Variants in FARP1 observed in about 807,000 individuals in gnomAD.
FARP1 encodes FERM, ARHGEF and pleckstrin domain-containing protein 1.
A neutral mutation model predicts 128.8 loss-of-function variants in FARP1; 52 were observed. The observed-to-expected ratio is 0.40, with a 90% CI of 0.32 to 0.51. The LOEUF (loss-of-function observed/expected upper bound fraction) is 0.51. Among genes scored for constraint, FARP1 ranks in the 20% least tolerant of loss-of-function variants. The pLI, the probability that FARP1 is intolerant of heterozygous loss-of-function variation, is 0.45. For synonymous variants in FARP1, 580 were observed against 551.8 expected (o/e 1.05, Z -0.72); for missense variants, 1,333 against 1,367.9 (o/e 0.97, Z 0.40).
At chr13:98,252,836 T>C (rs182107431) in intron 2 of FARP1, among the ~76,000 whole-genome samples, 32 of 152,336 alleles carry the variant, frequency 2.1e-4, no homozygotes, top group Middle Eastern at 3.4e-3. Context: ...TGAGCCCCGG[T>C]GATCATGTAT....
At chr13:98,208,962 G>A (rs180843702) in intron 1 of FARP1, among the ~76,000 whole-genome samples, 4 of 152,254 alleles carry the variant, frequency 2.6e-5, no homozygotes, top group Non-Finnish European at 5.9e-5. Context: ...TTTGGAAACC[G>A]GATGGTTTTC....
rs760933598 is a variant in FARP1 at position 98,388,465 on chromosome 13, G to A, written c.842G>A (p.Arg281Gln). 2.4e-5 allele frequency: 38 copies of A among 1,613,414 alleles called. No individual in the cohort carries two copies. Among genetic ancestry groups the A allele is most frequent in the East Asian group, 6.7e-5 (3 of 44,890 alleles). ...FKRKRFLIKLRPDANSAYQDT... is the reference protein window; with the variant it reads ...FKRKRFLIKLQPDANSAYQDT... ...AGGAAGCGCTTTCTCATCAAGCTCC[G>A]GCCAGATGCCAATGTAAGTGGTCCT... The change falls in exon 9 of 27, where the codon CGG becomes CAG. Residue 281 changes from arginine to glutamine, a missense_variant. Around this residue, in one of 2 missense-constraint regions of FARP1, gnomAD observed 324 missense variants for 398.1 expected, o/e 0.81. Coordinates refer to ENST00000319562, the MANE Select transcript of FARP1 (RefSeq NM_005766.4).
chr13:98,221,157 A>G (rs745686429), intron 2 of FARP1, among the ~76,000 whole-genome samples: 77 of 152,146 alleles, frequency 5.1e-4, no homozygotes, highest in Non-Finnish European at 1.0e-3. Flanking sequence ...GTGAGGCTCT[A>G]ATGAGATCTT....
At chr13:98,242,643 T>TA (rs1566785638) in intron 2 of FARP1, among the ~76,000 whole-genome samples, 1 of 152,092 alleles carries the variant, frequency 6.6e-6, no homozygotes, top group African/African-American at 2.4e-5. Context: ...TACCACTGCA[T>TA]TCCGGCCTGG....
chr13:98,172,977 C>G (rs567509079), intron 1 of FARP1, among the ~76,000 whole-genome samples: 1 of 152,292 alleles, frequency 6.6e-6, no homozygotes, highest in South Asian at 2.1e-4. Context: ...GGTATAATCA[C>G]ATTTTGAAAA....
intron 8 of FARP1, among the ~76,000 whole-genome samples, chr13:98,387,942 C>T (rs1463612044): frequency 2.6e-5 from 4 of 152,188 alleles, no homozygotes; most frequent in South Asian, 2.1e-4. Flanking sequence ...AATAAATCCA[C>T]GTTGCAGTTT....
intron 25 of FARP1, chr13:98,446,452 G>A (rs533597236): frequency 1.8e-5 from 11 of 608,308 alleles, no homozygotes; most frequent in Admixed American, 5.9e-5. Flanking sequence ...GACAAGGGAC[G>A]GGGGTTGGCT....
chr13:98,360,747 G>A (rs1344182780), intron 3 of FARP1, among the ~76,000 whole-genome samples: 6 of 152,184 alleles, frequency 3.9e-5, no homozygotes, highest in African/African-American at 1.2e-4. Context: ...TCCTACTGAT[G>A]GGCAATGAGA....
At chr13:98,394,688 C>T (rs1335435836) in intron 12 of FARP1, among the ~76,000 whole-genome samples, 2 of 152,134 alleles carry the variant, frequency 1.3e-5, no homozygotes, top group Non-Finnish European at 2.9e-5. Context: ...TGGTCCTAGC[C>T]ACTTGGGAGG....
chr13:98,197,652 T>C (rs79055241), intron 1 of FARP1, among the ~76,000 whole-genome samples: 2 of 151,526 alleles, frequency 1.3e-5, no homozygotes, highest in African/African-American at 4.8e-5. Context: ...TTTTTTTTTT[T>C]GAGATGGAGT....
chr13:98,226,067 C>G lies in FARP1; in HGVS notation c.171+12654C>G, dbSNP rs140647297. Among the ~76,000 whole-genome samples the G allele has an allele frequency of 3.3e-5, 5 of 152,274 alleles. No homozygotes were observed. The East Asian group carries it at 7.7e-4, about 24-fold the overall frequency. ...TTGACATTTGTTGAATTATGGAGTA[C>G]GAGTTCGCTAGCACTGCTATAACAA... is the stretch of plus-strand genomic sequence containing the variant. On this transcript the variant is annotated intron_variant, in intron 2 of 26. Transcript: ENST00000319562.
At position 98,243,739 on chromosome 13, in the gene FARP1, C is replaced by T. The variant is rs1345993429; in HGVS notation, c.171+30326C>T. 2.6e-5 allele frequency among the ~76,000 whole-genome samples: 4 copies of T among 151,368 alleles called. No individual in the cohort carries two copies. The East Asian group carries it at 7.8e-4, about 29-fold the overall frequency. On this transcript the variant is annotated intron_variant, in intron 2 of 26. Transcript: ENST00000319562. The stretch of plus-strand genomic sequence containing the variant: ...AAAAATCTGTATAACTTGCATTGCC[C>T]TTTCAGGTAATTAATCACCCTTTTT...
intron 1 of FARP1, 27 bp downstream of exon 1, chr13:98,143,519 C>G (rs1875233600): frequency 6.7e-6 from 1 of 150,160 alleles, no homozygotes; most frequent in South Asian, 2.0e-4. Flanking sequence ...GAACAATGAC[C>G]GCGGCGGGAG....
intron 1 of FARP1, among the ~76,000 whole-genome samples, chr13:98,200,397 C>CT (rs1555327098): frequency 2.1e-5 from 3 of 143,392 alleles, no homozygotes; most frequent in African/African-American, 7.8e-5. Context: ...ACCCCCCCCC[C>CT]CTCCCCTTTG....
intron 13 of FARP1, 35 bp from the exon 14 acceptor site, chr13:98,409,303 T>TC: frequency 7.3e-7 from 1 of 1,367,930 alleles, no homozygotes; most frequent in Non-Finnish European, 9.5e-7. Flanking sequence ...AAAAAATTAC[T>TC]TTTTTTTTCT....
chr13:98,412,530 C>T (rs1413681561), intron 16 of FARP1, among the ~76,000 whole-genome samples: 4 of 152,216 alleles, frequency 2.6e-5, no homozygotes, highest in African/African-American at 9.6e-5. Context: ...CTTGAATTAT[C>T]ATAAGGATCT....
chr13:98,181,348 A>G (rs187882911), intron 1 of FARP1, among the ~76,000 whole-genome samples: 1 of 152,300 alleles, frequency 6.6e-6, no homozygotes, highest in African/African-American at 2.4e-5. Context: ...TATCCCCTGC[A>G]AAGTGGGGTA....
chr13:98,295,087 ACACACACACACACACACATATATC>A (rs1885616040), intron 2 of FARP1, among the ~76,000 whole-genome samples: 1 of 76,942 alleles, frequency 1.3e-5, no homozygotes, highest in Non-Finnish European at 2.8e-5. Flanking sequence ...ACACACACAC[ACACACACACACACACACATATATC>A]CCCAGGCATT....
At chr13:98,266,255 T>C (rs1289875852) in intron 2 of FARP1, among the ~76,000 whole-genome samples, 1 of 152,190 alleles carries the variant, frequency 6.6e-6, no homozygotes, top group African/African-American at 2.4e-5. Flanking sequence ...ATCCCATTCC[T>C]GTGTGATCCA....
Sources: allele counts gnomAD v4.1 joint callset (sites outside exome capture counted in the v4.1 genomes callset), GRCh38; gene constraint gnomAD v4.1.1; regional missense constraint gnomAD v4.1.1; transcripts MANE v1.5; gene names NCBI Gene and HGNC (gene_info 2026-07-23, HGNC 2026-07-21).